UBL7: variants seen among roughly 807,000 people sequenced by gnomAD.
UBL7 encodes the protein ubiquitin like 7.
In UBL7, 21 loss-of-function variants were observed where a neutral mutation model predicts 41.7. The observed-to-expected ratio is 0.50, with a 90% confidence interval of 0.36 to 0.73. The LOEUF (loss-of-function observed/expected upper bound fraction) is 0.73. Among genes scored for constraint, UBL7 ranks in the 30% least tolerant of loss-of-function variants. UBL7 has a pLI of 0.00. For synonymous variants in UBL7, 157 were observed against 186.9 expected (o/e 0.84, Z 1.31); for missense variants, 403 against 478.4 (o/e 0.84, Z 1.47).
intron 1 of UBL7, chr15:74,460,792 G>A (rs890993821): frequency 1.6e-6 from 2 of 1,263,776 alleles, no homozygotes; most frequent in African/African-American, 1.6e-5. Flanking sequence ...ATAGAGAAGA[G>A]GAAAGAAAAG....
At chr15:74,453,003 T>G (rs2061264187) in intron 3 of UBL7, among the ~76,000 whole-genome samples, 1 of 152,294 alleles carries the variant, frequency 6.6e-6, no homozygotes, top group Admixed American at 6.5e-5. Flanking sequence ...TGAGCCACCG[T>G]GCCCAGCCCT....
chr15:74,448,111 G>A (rs1276602144), intron 10 of UBL7, among the ~76,000 whole-genome samples: 1 of 152,178 alleles, frequency 6.6e-6, no homozygotes, highest in Non-Finnish European at 1.5e-5. Context: ...GTGCCTGCCT[G>A]GTGCCCCTCC....
At position 74,446,311 on chromosome 15, in the gene UBL7, A is replaced by C; in HGVS notation, c.1006-84T>G. Reference sequence around the variant, plus strand: ...AGGTCTGTGCTTTCCGGGGAAGGAAAGGAAGATGGGGGAGTCCTCAGCAAA... The same window carrying C: ...AGGTCTGTGCTTTCCGGGGAAGGAACGGAAGATGGGGGAGTCCTCAGCAAA... On this transcript the variant is annotated intron_variant, in intron 10 of 10. Transcript: ENST00000395081. The surrounding 1 kb of genome is among the most constrained non-coding windows in gnomAD (Gnocchi z 4.1). 1.3e-6 allele frequency: 2 copies of C among 1,558,622 alleles called. No homozygotes were observed. The highest frequency in any genetic ancestry group is 2.4e-5 in the South Asian group (2 of 83,890).
chr15:74,458,946 T>C lies in UBL7; in HGVS notation c.-29-50A>G, dbSNP rs2061320804. 3.2e-6 allele frequency: 5 copies of C among 1,548,916 alleles called. No homozygotes were observed. In the African/African-American group the frequency reaches 4.1e-5, roughly 13 times the overall value. ...GTTAAAAGACAGACCACCACTCTAC[T>C]CCACCCCCACCCACCAAAGGGTTGA... On this transcript the variant is annotated intron_variant, in intron 1 of 10. Transcript: ENST00000395081.
At chr15:74,460,985 G>A (rs2141333590) in intron 1 of UBL7, 52 bp downstream of exon 1, 1 of 1,109,086 alleles carries the variant, frequency 9.0e-7, no homozygotes, top group African/African-American at 1.7e-5. Flanking sequence ...ACTGGCCCAA[G>A]GTCACAGATC....
intron 4 of UBL7, among the ~76,000 whole-genome samples, 200 bp from the exon 5 acceptor site, chr15:74,451,720 A>C (rs1458310736): frequency 6.6e-6 from 1 of 152,168 alleles, no homozygotes; most frequent in African/African-American, 2.4e-5. Context: ...ATTTAAAAAA[A>C]AAAAAGGCAA....
chr15:74,460,321 G>A (rs2061336930), intron 1 of UBL7, among the ~76,000 whole-genome samples: 1 of 143,158 alleles, frequency 7.0e-6, no homozygotes, highest in Non-Finnish European at 1.5e-5. Context: ...AAACTTCATC[G>A]CCTGGCTTAC....
chr15:74,450,697 C>T, intron 6 of UBL7, 105 bp downstream of exon 6: 1 of 1,253,186 alleles, frequency 8.0e-7, no homozygotes. Context: ...GACTTGGTGA[C>T]AGACTATGGA....
intron 1 of UBL7, among the ~76,000 whole-genome samples, chr15:74,459,869 G>A (rs2061331606): frequency 7.2e-6 from 1 of 139,516 alleles, no homozygotes; most frequent in African/African-American, 2.7e-5. Context: ...GAAGGCTGAG[G>A]TTGCAGTGAG....
intron 2 of UBL7, among the ~76,000 whole-genome samples, chr15:74,456,983 T>C (rs532742096): frequency 1.3e-5 from 2 of 152,228 alleles, no homozygotes; most frequent in South Asian, 4.1e-4. Flanking sequence ...CTAATTTTTG[T>C]AGTTTTTTGT....
intron 6 of UBL7, 56 bp from the exon 7 acceptor site, chr15:74,450,125 A>G: frequency 6.5e-7 from 1 of 1,537,298 alleles, no homozygotes; most frequent in Non-Finnish European, 8.8e-7. Flanking sequence ...ACCCTCAGCC[A>G]TAACAGGAGT....
Position 74,449,978 on chromosome 15 carries a change from A to T in UBL7, c.622T>A (p.Ser208Thr), listed in dbSNP as rs2061227211. 1 of 1,613,310 alleles carries T rather than the reference A, an allele frequency of 6.2e-7. No homozygotes were observed. Among genetic ancestry groups the T allele is most frequent in the Non-Finnish European group, 8.5e-7 (1 of 1,179,778 alleles). ...GSAPMPGTDS[S>T]SRSMPSSSYR... ...GAGCTGGAGGGCATGCTCCGGGAAG[A>T]GGAGTCAGTCCCAGGCATTGGGGCA... The change falls in exon 7 of 11, where the codon TCT (serine) becomes ACT (threonine). Residue 208 changes from serine to threonine, a missense_variant. Physicochemically the swap from Ser to Thr is moderately conservative, Grantham distance 58. Coordinates refer to ENST00000395081, the MANE Select transcript of UBL7 (RefSeq NM_032907.5).
intron 3 of UBL7, 44 bp downstream of exon 3, chr15:74,456,508 A>G: frequency 6.2e-7 from 1 of 1,608,244 alleles, no homozygotes; most frequent in Non-Finnish European, 8.5e-7. Flanking sequence ...TCCCTTGCGG[A>G]TATTACAGAA....
intron 4 of UBL7, 101 bp from the exon 5 acceptor site, chr15:74,451,621 T>G: frequency 2.4e-6 from 2 of 818,972 alleles, no homozygotes; most frequent in Non-Finnish European, 4.1e-6. Context: ...AGTGCTTGCA[T>G]GTACATCACC....
chr15:74,461,035 A>G lies in UBL7; in HGVS notation c.-30+2T>C. Reference sequence around the variant, plus strand: ...AGGAACACTATCCGGTGGCGACCTCACCGCTCCAGTGGGACCAGCTACTTG... The same window carrying G: ...AGGAACACTATCCGGTGGCGACCTCGCCGCTCCAGTGGGACCAGCTACTTG... On this transcript the variant is annotated splice_donor_variant, in intron 1 of 10. Transcript: ENST00000395081. LOFTEE classifies it low-confidence loss of function (5UTR_SPLICE). The G allele has an allele frequency of 9.5e-7, 1 of 1,056,184 alleles. No homozygotes were observed. The highest frequency in any genetic ancestry group is 1.1e-6 in the Non-Finnish European group (1 of 869,646). 65.4% of individuals were successfully genotyped at this position (1,056,184 alleles called of 1,614,324 possible).
Position 74,459,063 on chromosome 15 carries a change from T to C in UBL7, c.-29-167A>G, listed in dbSNP as rs2061321751. 1.3e-5 allele frequency: 8 copies of C among 628,598 alleles called. No individual in the cohort carries two copies. In the East Asian group the frequency reaches 2.3e-4, roughly 18 times the overall value. 38.9% of individuals were successfully genotyped at this position (628,598 alleles called of 1,614,324 possible). On this transcript the variant is annotated intron_variant, in intron 1 of 10. Transcript: ENST00000395081. ...GAATCTGGGGTTCTCTCTCTACTCA[T>C]ACTGTGATGGACAGCTCTCTAGGCC...
Position 74,448,493 on chromosome 15 carries a change from C to T in UBL7, c.990G>A (p.Gly330=), listed in dbSNP as rs750893017. The part of the protein sequence containing the change: ...QALQHALQAS[G]QPSLQSQWQP... The stretch of plus-strand genomic sequence containing the variant: ...GAAGACTGACCTGAAGGCTGGGCTG[C>T]CCAGAGGCCTGAAGGGCATGCTGTA... Residue 330 remains glycine, a synonymous_variant, in exon 10 of 11, where the codon GGG becomes GGA. Transcript: ENST00000395081. The T allele has an allele frequency of 1.9e-6, 3 of 1,614,006 alleles. No individual in the cohort carries two copies. Among genetic ancestry groups the T allele is most frequent in the South Asian group, 1.1e-5 (1 of 91,082 alleles).
At chr15:74,455,373 C>A (rs1358399339) in intron 3 of UBL7, among the ~76,000 whole-genome samples, 1 of 152,072 alleles carries the variant, frequency 6.6e-6, no homozygotes, top group Non-Finnish European at 1.5e-5. Context: ...ATTTATAAAC[C>A]AAAAAGGCAT....
At chr15:74,455,926 C>A (rs923133305) in intron 3 of UBL7, among the ~76,000 whole-genome samples, 6 of 152,094 alleles carry the variant, frequency 3.9e-5, no homozygotes, top group Non-Finnish European at 7.4e-5. Context: ...AGATCGAGAC[C>A]ATCCTGGCTA....
Sources: gnomAD v4.1 joint callset for allele counts (sites outside exome capture counted in the v4.1 genomes callset) on GRCh38, gnomAD v4.1.1 for gene constraint, Gnocchi (gnomAD v3.1) non-coding constraint, MANE v1.5 for transcripts, NCBI Gene and HGNC (gene_info 2026-07-23, HGNC 2026-07-21) for gene names.